The following DCC variants were observed in gnomAD, a reference collection of about 807,000 sequenced individuals.
The protein encoded by DCC is netrin receptor DCC.
A neutral mutation model predicts 172.5 loss-of-function variants in DCC; 58 were observed. The ratio of observed to expected loss-of-function variants is 0.34; its 90% CI spans 0.27 to 0.42. The LOEUF is 0.42. DCC is among the 10% of genes least tolerant of loss of function. DCC has a pLI of 1.00. For missense variants in DCC, 1,740 were observed against 1,791.0 expected (o/e 0.97, Z 0.51); for synonymous variants, 709 against 644.5 (o/e 1.10, Z -1.52).
intron 1 of DCC, among the ~76,000 whole-genome samples, chr18:52,613,015 A>T (rs1471324197): frequency 6.6e-6 from 1 of 152,204 alleles, no homozygotes. Flanking sequence ...TTTGAGTGAT[A>T]AGAAGCTGTT....
At chr18:53,225,941 T>C (rs949068924) in intron 12 of DCC, among the ~76,000 whole-genome samples, 2 of 152,074 alleles carry the variant, frequency 1.3e-5, no homozygotes, top group Non-Finnish European at 2.9e-5. Context: ...AACCCATGGA[T>C]CTAAGCTACC....
intron 5 of DCC, among the ~76,000 whole-genome samples, chr18:52,982,622 A>G (rs1201521571): frequency 6.6e-6 from 1 of 152,100 alleles, no homozygotes; most frequent in Non-Finnish European, 1.5e-5. Context: ...AGATGCCACT[A>G]GCATCCTCCT....
intron 5 of DCC, among the ~76,000 whole-genome samples, chr18:52,935,591 G>T: frequency 6.6e-6 from 1 of 151,572 alleles, no homozygotes; most frequent in East Asian, 1.9e-4. Context: ...TATTTTTTAC[G>T]GAACAATATG....
At chr18:52,393,102 T>C (rs1023635641) in intron 1 of DCC, among the ~76,000 whole-genome samples, 3 of 152,070 alleles carry the variant, frequency 2.0e-5, no homozygotes, top group African/African-American at 7.2e-5. Context: ...CACTGTGGGA[T>C]GAGATATGTT....
chr18:53,235,587 G>T (rs1193730491), intron 12 of DCC, among the ~76,000 whole-genome samples: 1 of 151,974 alleles, frequency 6.6e-6, no homozygotes, highest in Non-Finnish European at 1.5e-5. Context: ...CTTTTGACCT[G>T]GTATTTGGCT....
At chr18:53,161,872 A>C (rs2054845075) in intron 8 of DCC, among the ~76,000 whole-genome samples, 1 of 152,210 alleles carries the variant, frequency 6.6e-6, no homozygotes, top group African/African-American at 2.4e-5. Context: ...TTTTGTTATA[A>C]AATAATATTG....
At chr18:52,516,287 T>C (rs1176170902) in intron 1 of DCC, among the ~76,000 whole-genome samples, 1 of 152,208 alleles carries the variant, frequency 6.6e-6, no homozygotes, top group Non-Finnish European at 1.5e-5. Context: ...AATATATAAG[T>C]GTTTATATCA....
chr18:52,903,126 C>T (rs980647904), intron 2 of DCC, among the ~76,000 whole-genome samples: 1 of 152,186 alleles, frequency 6.6e-6, no homozygotes, highest in East Asian at 1.9e-4. Flanking sequence ...TTTACATATT[C>T]CAGGCTCTAG....
intron 1 of DCC, among the ~76,000 whole-genome samples, chr18:52,542,084 A>G (rs2032477568): frequency 6.7e-6 from 1 of 149,992 alleles, no homozygotes; most frequent in Non-Finnish European, 1.5e-5. Flanking sequence ...CATTACCTTT[A>G]TACTTAAAAT....
intron 21 of DCC, among the ~76,000 whole-genome samples, chr18:53,431,479 TG>T (rs1425084419): frequency 2.7e-4 from 40 of 149,738 alleles, no homozygotes; most frequent in African/African-American, 6.3e-4. Context: ...TTTTTGTTGT[TG>T]TTGTTGTTGT....
At chr18:52,865,441 T>G (rs2039209021) in intron 2 of DCC, among the ~76,000 whole-genome samples, 1 of 152,148 alleles carries the variant, frequency 6.6e-6, no homozygotes, top group Non-Finnish European at 1.5e-5. Flanking sequence ...GTTGAACTAA[T>G]TTACACTCCC....
intron 7 of DCC, among the ~76,000 whole-genome samples, chr18:53,112,123 A>T (rs2043342358): frequency 1.3e-5 from 2 of 151,586 alleles, no homozygotes; most frequent in African/African-American, 4.8e-5. Context: ...AAAGCCTTCT[A>T]AATAAGTAAA....
intron 1 of DCC, among the ~76,000 whole-genome samples, chr18:52,402,964 C>T (rs1029239762): frequency 2.0e-5 from 3 of 151,944 alleles, no homozygotes; most frequent in Admixed American, 1.3e-4. Flanking sequence ...GGAGCAAATA[C>T]AGAAGTTTAG....
intron 1 of DCC, among the ~76,000 whole-genome samples, chr18:52,468,536 A>G (rs1217769513): frequency 6.6e-6 from 1 of 152,214 alleles, no homozygotes; most frequent in African/African-American, 2.4e-5. Context: ...TTTGTTTCTC[A>G]TTAATTTATT....
intron 14 of DCC, among the ~76,000 whole-genome samples, chr18:53,336,655 C>G (rs1213727892): frequency 6.6e-6 from 1 of 152,128 alleles, no homozygotes; most frequent in Non-Finnish European, 1.5e-5. Flanking sequence ...AGTTCAAGAC[C>G]AGCCTGAACA....
At chr18:52,701,679 C>A (rs146972201) in intron 1 of DCC, among the ~76,000 whole-genome samples, 1 of 149,974 alleles carries the variant, frequency 6.7e-6, no homozygotes, top group African/African-American at 2.5e-5. Flanking sequence ...CCTTATCTAC[C>A]ATGAGGCACA....
At chr18:53,224,506 A>G (rs1024074936) in intron 12 of DCC, among the ~76,000 whole-genome samples, 1 of 152,130 alleles carries the variant, frequency 6.6e-6, no homozygotes, top group Admixed American at 6.5e-5. Context: ...AATTACACTG[A>G]CTACTGTGGG....
At chr18:53,190,560 C>G (rs184670011) in intron 9 of DCC, among the ~76,000 whole-genome samples, 2 of 150,888 alleles carry the variant, frequency 1.3e-5, no homozygotes, top group Admixed American at 1.3e-4. Flanking sequence ...CATTAATTAC[C>G]TTTTGATAAC....
At chr18:52,922,630 T>C (rs188016370) in intron 3 of DCC, among the ~76,000 whole-genome samples, 2 of 152,268 alleles carry the variant, frequency 1.3e-5, no homozygotes, top group East Asian at 1.9e-4. Context: ...CCTCAGGAGA[T>C]GTGGATTTTC....
Sources: allele counts gnomAD v4.1 joint callset (sites outside exome capture counted in the v4.1 genomes callset), GRCh38; gene constraint gnomAD v4.1.1; transcripts MANE v1.5; gene names NCBI Gene and HGNC (gene_info 2026-07-23, HGNC 2026-07-21).